CACNA2D3: variants seen among roughly 807,000 people sequenced by gnomAD.
The protein encoded by CACNA2D3 is voltage-dependent calcium channel subunit alpha-2/delta-3.
In CACNA2D3, 60 loss-of-function variants were observed where a neutral mutation model predicts 160.6. The observed-to-expected ratio is 0.37, with a 90% CI of 0.30 to 0.46. The LOEUF (loss-of-function observed/expected upper bound fraction) is 0.46. Ranked by LOEUF, CACNA2D3 falls within the 20% of genes least tolerant of loss-of-function variation. The probability of loss-of-function intolerance (pLI) is 1.00; values close to 1 mark genes in which losing one functional copy is unlikely to be tolerated. For missense variants in CACNA2D3, 1,205 were observed against 1,365.0 expected (o/e 0.88, Z 1.85); for synonymous variants, 558 against 492.9 (o/e 1.13, Z -1.75).
intron 2 of CACNA2D3, among the ~76,000 whole-genome samples, chr3:54,160,227 A>G (rs760158589): frequency 1.4e-4 from 22 of 152,340 alleles, no homozygotes; most frequent in Admixed American, 3.9e-4. Flanking sequence ...GGCCGGGTGC[A>G]GTGGCTCATG....
chr3:54,708,162 A>T (rs1001843279), intron 11 of CACNA2D3, among the ~76,000 whole-genome samples: 1 of 152,224 alleles, frequency 6.6e-6, no homozygotes, highest in Non-Finnish European at 1.5e-5. Context: ...ATCAAAGAAC[A>T]TATAAAACCA....
intron 13 of CACNA2D3, among the ~76,000 whole-genome samples, chr3:54,782,168 G>A (rs1481346532): frequency 6.6e-6 from 1 of 152,138 alleles, no homozygotes; most frequent in Non-Finnish European, 1.5e-5. Context: ...AATACTAGCT[G>A]GAAGGTATAT....
chr3:54,991,967 CTTATT>C (rs1336321067), intron 31 of CACNA2D3, among the ~76,000 whole-genome samples: 1 of 149,584 alleles, frequency 6.7e-6, no homozygotes, highest in African/African-American at 2.6e-5. Context: ...GTTTGTTTGT[CTTATT>C]TTATCACTAA....
chr3:54,338,317 C>T (rs920647840), intron 3 of CACNA2D3, among the ~76,000 whole-genome samples: 1 of 152,240 alleles, frequency 6.6e-6, no homozygotes, highest in Non-Finnish European at 1.5e-5. Flanking sequence ...CTCTAACCCA[C>T]TGCCACATGT....
At chr3:54,464,604 T>C (rs1356934576) in intron 4 of CACNA2D3, among the ~76,000 whole-genome samples, 1 of 152,178 alleles carries the variant, frequency 6.6e-6, no homozygotes, top group African/African-American at 2.4e-5. Context: ...TCTCCTGGTG[T>C]GCCGTTTTTT....
intron 11 of CACNA2D3, among the ~76,000 whole-genome samples, chr3:54,677,664 AAT>A (rs1347706011): frequency 6.6e-6 from 1 of 151,454 alleles, no homozygotes. Context: ...CTCTCCCAGG[AAT>A]ATGTTACAAA....
intron 3 of CACNA2D3, among the ~76,000 whole-genome samples, chr3:54,350,986 G>GTTTTTA (rs1698548897): frequency 1.5e-5 from 1 of 65,922 alleles, no homozygotes. Context: ...TTTTTTGTTT[G>GTTTTTA]TTTTTTTTTT....
chr3:54,719,375 G>A (rs1452020376), intron 11 of CACNA2D3, among the ~76,000 whole-genome samples: 1 of 151,600 alleles, frequency 6.6e-6, no homozygotes, highest in Non-Finnish European at 1.5e-5. Flanking sequence ...GGATGTGAAT[G>A]GATGTTGAAT....
At chr3:54,404,298 T>C (rs1369169715) in intron 4 of CACNA2D3, among the ~76,000 whole-genome samples, 2 of 152,166 alleles carry the variant, frequency 1.3e-5, no homozygotes. Flanking sequence ...TTATACATCA[T>C]GATCGAGAGA....
intron 4 of CACNA2D3, among the ~76,000 whole-genome samples, chr3:54,466,265 T>C (rs1179147005): frequency 6.6e-6 from 1 of 152,344 alleles, no homozygotes. Context: ...GTGAGTGTTG[T>C]ATAAATTTTT....
At chr3:54,807,759 T>C (rs938093056) in intron 13 of CACNA2D3, among the ~76,000 whole-genome samples, 2 of 152,178 alleles carry the variant, frequency 1.3e-5, no homozygotes, top group Middle Eastern at 3.4e-3. Context: ...TGCACACATA[T>C]GTTTATTGTG....
chr3:54,148,900 C>G (rs974706679), intron 2 of CACNA2D3, among the ~76,000 whole-genome samples: 1 of 150,958 alleles, frequency 6.6e-6, no homozygotes, highest in Non-Finnish European at 1.5e-5. Context: ...TCACTTGAAC[C>G]CGGGAGACAG....
intron 3 of CACNA2D3, among the ~76,000 whole-genome samples, chr3:54,370,538 A>C (rs1418865870): frequency 2.0e-5 from 3 of 152,168 alleles, no homozygotes; most frequent in African/African-American, 7.2e-5. Flanking sequence ...GCGGATGAGA[A>C]CTTTTCTTCT....
intron 2 of CACNA2D3, among the ~76,000 whole-genome samples, chr3:54,257,544 C>T (rs969622818): frequency 6.6e-6 from 1 of 152,016 alleles, no homozygotes; most frequent in Admixed American, 6.6e-5. Context: ...GCTGTTCCTG[C>T]CGTTGTTGTT....
intron 29 of CACNA2D3, among the ~76,000 whole-genome samples, chr3:54,972,840 C>T (rs1702305222): frequency 6.6e-6 from 1 of 152,178 alleles, no homozygotes; most frequent in African/African-American, 2.4e-5. Context: ...TGAATGTTAA[C>T]TTCCAAGCCA....
At chr3:54,863,055 T>A (rs1351901793) in intron 17 of CACNA2D3, among the ~76,000 whole-genome samples, 1 of 152,212 alleles carries the variant, frequency 6.6e-6, no homozygotes, top group Non-Finnish European at 1.5e-5. Flanking sequence ...AGACATACTT[T>A]CAAATTATAG....
intron 3 of CACNA2D3, among the ~76,000 whole-genome samples, chr3:54,342,949 C>G (rs558573473): frequency 5.9e-5 from 9 of 152,248 alleles, no homozygotes; most frequent in African/African-American, 1.7e-4. Context: ...CCTGGGTAGC[C>G]GCACAGAGTT....
At chr3:54,504,392 G>A (rs1701337486) in intron 5 of CACNA2D3, among the ~76,000 whole-genome samples, 1 of 152,098 alleles carries the variant, frequency 6.6e-6, no homozygotes, top group South Asian at 2.1e-4. Context: ...GTGACCTTGG[G>A]CACGTCACCT....
At chr3:54,262,624 A>G (rs942197365) in intron 2 of CACNA2D3, among the ~76,000 whole-genome samples, 1 of 152,108 alleles carries the variant, frequency 6.6e-6, no homozygotes, top group Non-Finnish European at 1.5e-5. Flanking sequence ...AAATCCATTC[A>G]TTCAATCTGC....
Sources: gnomAD v4.1 joint callset for allele counts (sites outside exome capture counted in the v4.1 genomes callset) on GRCh38, gnomAD v4.1.1 for gene constraint, MANE v1.5 for transcripts, NCBI Gene and HGNC (gene_info 2026-07-23, HGNC 2026-07-21) for gene names.